CYTH4: variants seen among roughly 807,000 people sequenced by gnomAD.
CYTH4 encodes cytohesin 4.
In CYTH4, 22 loss-of-function variants were observed where a neutral mutation model predicts 57.5. The observed-to-expected ratio is 0.38, with a 90% CI of 0.27 to 0.55. CYTH4 has a LOEUF of 0.55. Among genes scored for constraint, CYTH4 ranks in the 20% least tolerant of loss-of-function variants. The probability of loss-of-function intolerance (pLI) is 0.74; values close to 1 mark genes in which losing one functional copy is unlikely to be tolerated. For missense variants in CYTH4, 420 were observed against 535.6 expected (o/e 0.78, Z 2.13); for synonymous variants, 186 against 206.5 (o/e 0.90, Z 0.85).
chr22:37,294,715 C>G lies in CYTH4; in HGVS notation c.158C>G (p.Ala53Gly). Residue 53 changes from alanine to glycine, a missense_variant, in exon 3 of 13, where the codon GCG becomes GGG. Physicochemically the swap from Ala to Gly is moderately conservative, Grantham distance 60 (BLOSUM62 0). Coordinates refer to ENST00000248901, the MANE Select transcript of CYTH4 (RefSeq NM_013385.5). ...GCCCAAATCGACTGCTTCGAGAGTG[C>G]GGAGGAGAGGTGAGGGGCTTGGGTG... ...VFAQIDCFES[A>G]EESRMAQKEK... The G allele has an allele frequency of 6.2e-7, 1 of 1,613,618 alleles. No individual in the cohort carries two copies. Among genetic ancestry groups the G allele is most frequent in the Non-Finnish European group, 8.5e-7 (1 of 1,179,728 alleles).
rs750313095 is a variant in CYTH4 at position 37,311,497 on chromosome 22, G to A, written c.927G>A (p.Ser309=). The A allele has an allele frequency of 7.4e-6, 12 of 1,613,930 alleles. No individual in the cohort carries two copies. The highest frequency in any genetic ancestry group is 5.3e-5 in the African/African-American group (4 of 74,932). Residue 309 remains serine (S), a synonymous_variant, in exon 11 of 13, where the codon TCG becomes TCA. Transcript: ENST00000248901. The surrounding 1 kb of genome is among the most constrained non-coding windows in gnomAD (Gnocchi z 4.4). ...GAATTATACCTCTTGAGAACCTCTC[G>A]GTGCAGAAGGTGGATGACCCCAAGA... is the stretch of plus-strand genomic sequence containing the variant. ...PRGIIPLENL[S]VQKVDDPKKP...
chr22:37,300,158 GAGA>G, intron 6 of CYTH4: 1 of 717,586 alleles, frequency 1.4e-6, no homozygotes, highest in African/African-American at 1.7e-5. Context: ...CTCAGATTCC[GAGA>G]AGGAGCATCT....
At chr22:37,294,619 C>T (rs1445803800) in intron 2 of CYTH4, 41 bp from the exon 3 acceptor site, 11 of 1,611,312 alleles carry the variant, frequency 6.8e-6, no homozygotes, top group Non-Finnish European at 9.3e-6. Flanking sequence ...GTTCTGGCCT[C>T]CACCCCTGAC....
In CYTH4 at chr22:37,309,326, G is replaced by A. The variant is rs561519220; in HGVS notation, c.808+3G>A. The stretch of plus-strand genomic sequence containing the variant: ...GGAGGGTTGGCTGCTCAAGCTAGGT[G>A]AGAGACCGACAGACACACGTCGTCG... On this transcript the variant is annotated splice_donor_region_variant and intron_variant, in intron 9 of 12. Transcript: ENST00000248901. 70 of 1,613,710 alleles carry A rather than the reference G, an allele frequency of 4.3e-5. No homozygotes were observed. The highest frequency in any genetic ancestry group is 2.3e-4 in the Admixed American group (14 of 60,014).
At chr22:37,293,617 T>A (rs1004378646) in intron 2 of CYTH4, among the ~76,000 whole-genome samples, 1 of 152,238 alleles carries the variant, frequency 6.6e-6, no homozygotes, top group African/African-American at 2.4e-5. Context: ...CCAAGTCCCA[T>A]GCTGGCCCTG....
chr22:37,285,964 C>A (rs995046590), intron 1 of CYTH4, among the ~76,000 whole-genome samples: 1 of 152,134 alleles, frequency 6.6e-6, no homozygotes, highest in Non-Finnish European at 1.5e-5. Flanking sequence ...TTCACGAACA[C>A]ACTTGTCAAC....
At position 37,297,639 on chromosome 22, in the gene CYTH4, G is replaced by A. The variant is rs372562479; in HGVS notation, c.310G>A (p.Glu104Lys). 104 of 1,613,854 alleles carry A rather than the reference G, an allele frequency of 6.4e-5. No homozygotes were observed. Among genetic ancestry groups the A allele is most frequent in the Non-Finnish European group, 8.1e-5 (96 of 1,179,900 alleles). Reference protein sequence around the residue: ...QDIARFLYKGEGLNKTAIGTY... With the variant: ...QDIARFLYKGKGLNKTAIGTY... ...CATTGCACGGTTCCTGTATAAAGGC[G>A]AGGGCCTCAACAAGACAGCCATTGG... The change falls in exon 5 of 13, where the codon GAG becomes AAG. Residue 104 changes from glutamate to lysine, a missense_variant. Physicochemically the swap from Glu to Lys is moderately conservative, Grantham distance 56. Coordinates refer to ENST00000248901, the MANE Select transcript of CYTH4 (RefSeq NM_013385.5).
intron 1 of CYTH4, among the ~76,000 whole-genome samples, chr22:37,289,744 T>C (rs1928684272): frequency 6.6e-6 from 1 of 152,210 alleles, no homozygotes; most frequent in Admixed American, 6.5e-5. Flanking sequence ...AGCTACTTAG[T>C]TACATGATGT....
intron 8 of CYTH4, chr22:37,304,287 G>T (rs776681943): frequency 2.2e-6 from 1 of 456,678 alleles, no homozygotes; most frequent in South Asian, 1.5e-5. Flanking sequence ...TGTGGCCGAG[G>T]TGTGGTATAT....
chr22:37,294,992 C>T (rs1394289132), intron 3 of CYTH4, among the ~76,000 whole-genome samples: 2 of 151,718 alleles, frequency 1.3e-5, no homozygotes, highest in Non-Finnish European at 2.9e-5. Context: ...CACTGTGGTC[C>T]AGCCCTGACC....
intron 12 of CYTH4, among the ~76,000 whole-genome samples, chr22:37,312,625 A>C (rs111475939): frequency 1.2e-3 from 190 of 152,348 alleles, no homozygotes; most frequent in African/African-American, 4.5e-3. Context: ...AGTGAGGCTA[A>C]GCAGTGTGGG....
chr22:37,308,524 GTGTC>G lies in CYTH4; in HGVS notation c.697-684_697-681del, dbSNP rs796638256. ...CATGTATGTGTGAGCGTGTGTATAT[GTGTC>G]TGTGAGTGTGTGTATGTGTGTAAGT... On this transcript the variant is annotated intron_variant, in intron 8 of 12. Coordinates refer to ENST00000248901, the MANE Select transcript of CYTH4 (RefSeq NM_013385.5). 2.8e-3 allele frequency among the ~76,000 whole-genome samples: 426 copies of G among 151,904 alleles called. 3 individuals carry two copies. Among genetic ancestry groups the G allele is most frequent in the African/African-American group, 9.9e-3 (411 of 41,386 alleles).
In CYTH4 at chr22:37,310,994, G is replaced by A. The variant is rs779184298; in HGVS notation, c.815G>A (p.Arg272His). 14 of 1,614,162 alleles carry A rather than the reference G, an allele frequency of 8.7e-6. No individual in the cohort carries two copies. The highest frequency in any genetic ancestry group is 1.2e-5 in the Non-Finnish European group (14 of 1,180,018). Residue 272 changes from arginine to histidine, a missense_variant, in exon 10 of 13, where the codon CGC becomes CAC. By Grantham distance (29) the Arg-to-His change is conservative. Transcript: ENST00000248901. ...REGWLLKLGG[R>H]VKTWKRRWFI... ...CTACATTGGCCTTGCGCAGGGGGCC[G>A]CGTGAAGACGTGGAAACGGCGCTGG... is the stretch of plus-strand genomic sequence containing the variant.
Position 37,314,961 on chromosome 22 carries a change from C to T in CYTH4, c.*1450C>T, listed in dbSNP as rs905864823. 2.0e-5 allele frequency: 3 copies of T among 152,492 alleles called. No homozygotes were observed. Among genetic ancestry groups the T allele is most frequent in the African/African-American group, 4.8e-5 (2 of 41,480 alleles). 9.4% of individuals were successfully genotyped at this position (152,492 alleles called of 1,614,324 possible). A position where few individuals can be genotyped will look rare whatever the true frequency, so the allele number is the denominator to read the frequency against. ...AGCTGCCTTGCGAGGTGGTGAGACT[C>T]CTGTCTCTGGAGGTCTGCAAGCACT... On this transcript the variant is annotated 3_prime_UTR_variant, in exon 13 of 13. Transcript: ENST00000248901.
Position 37,313,539 on chromosome 22 carries a change from G to C in CYTH4, c.*28G>C. 6.2e-7 allele frequency: 1 copy of C among 1,609,946 alleles called. No individual in the cohort carries two copies. Among genetic ancestry groups the C allele is most frequent in the Non-Finnish European group, 8.5e-7 (1 of 1,176,220 alleles). ...TTCCTGGAGGTGGCACTGGGGGCTGGTCACCCTGAGAGTCCCATCGCCTGC... is the reference window on the plus strand; with the variant it reads ...TTCCTGGAGGTGGCACTGGGGGCTGCTCACCCTGAGAGTCCCATCGCCTGC... On this transcript the variant is annotated 3_prime_UTR_variant, in exon 13 of 13. Coordinates refer to ENST00000248901, the MANE Select transcript of CYTH4 (RefSeq NM_013385.5).
In CYTH4 at chr22:37,304,038, G is replaced by A. The variant is rs1464610929; in HGVS notation, c.696+636G>A. Reference sequence around the variant, plus strand: ...AATCACAAGGCTGCATGATTCATGCGGTGCTGGCTGTGGGGATGGAGCTCT... The same window carrying A: ...AATCACAAGGCTGCATGATTCATGCAGTGCTGGCTGTGGGGATGGAGCTCT... On this transcript the variant is annotated intron_variant, in intron 8 of 12. Coordinates refer to ENST00000248901, the MANE Select transcript of CYTH4 (RefSeq NM_013385.5). The A allele has an allele frequency of 7.5e-5, 30 of 401,246 alleles. No individual in the cohort carries two copies. In the East Asian group the frequency reaches 1.9e-3, roughly 25 times the overall value. 24.9% of individuals were successfully genotyped at this position (401,246 alleles called of 1,614,324 possible). A position where few individuals can be genotyped will look rare whatever the true frequency, so the allele number is the denominator to read the frequency against.
At chr22:37,284,816 CT>C (rs1222432132) in intron 1 of CYTH4, among the ~76,000 whole-genome samples, 2 of 152,172 alleles carry the variant, frequency 1.3e-5, no homozygotes, top group East Asian at 3.9e-4. Flanking sequence ...GTAAGGCGCC[CT>C]CCCCCAGGGC....
At chr22:37,304,018 CA>C (rs1422763105) in intron 8 of CYTH4, among the ~76,000 whole-genome samples, 2 of 152,210 alleles carry the variant, frequency 1.3e-5, no homozygotes, top group Non-Finnish European at 2.9e-5. Context: ...ATGTGAATCA[CA>C]AGGCTGCATG....
chr22:37,308,051 C>G (rs1240398383), intron 8 of CYTH4, among the ~76,000 whole-genome samples: 1 of 133,310 alleles, frequency 7.5e-6, no homozygotes, highest in Non-Finnish European at 1.7e-5. Context: ...CTCCCCAGAC[C>G]CCACCCCGGC....
Sources: allele counts gnomAD v4.1 joint callset (sites outside exome capture counted in the v4.1 genomes callset), GRCh38; gene constraint gnomAD v4.1.1; non-coding constraint Gnocchi (gnomAD v3.1); transcripts MANE v1.5; gene names NCBI Gene and HGNC (gene_info 2026-07-23, HGNC 2026-07-21).